Variants in ZNF131 observed in about 807,000 individuals in gnomAD.
ZNF131 encodes zinc finger and BTB domain containing 35.
A neutral mutation model predicts 60.0 loss-of-function variants in ZNF131; 7 were observed. The observed-to-expected ratio is 0.12, with a 90% CI of 0.07 to 0.22. The LOEUF (loss-of-function observed/expected upper bound fraction) is 0.22, where lower values mean the gene tolerates loss of function less well. ZNF131 is among the 10% of genes least tolerant of loss of function. The pLI, the probability that ZNF131 is intolerant of heterozygous loss-of-function variation, is 1.00. For synonymous variants in ZNF131, 257 were observed against 253.2 expected, an observed-to-expected ratio of 1.01 and a Z score of -0.14; for missense variants, 493 against 740.9, an observed-to-expected ratio of 0.67 and a Z score of 3.88.
chr5:43,159,200 G>C (rs1247468563), intron 4 of ZNF131, among the ~76,000 whole-genome samples: 1 of 152,020 alleles, frequency 6.6e-6, no homozygotes, highest in Non-Finnish European at 1.5e-5. Flanking sequence ...GTTTTTTCCA[G>C]AGTGGGGGCA....
At chr5:43,124,432 G>A (rs1245894190) in intron 3 of ZNF131, 1 of 151,970 alleles carries the variant, frequency 6.6e-6, no homozygotes, top group African/African-American at 2.4e-5. Context: ...TCCCTTTGAT[G>A]CCTAGGGGAG....
intron 3 of ZNF131, among the ~76,000 whole-genome samples, chr5:43,134,615 A>C (rs1361184038): frequency 6.6e-6 from 1 of 152,096 alleles, no homozygotes; most frequent in Non-Finnish European, 1.5e-5. Context: ...CAACACAAAA[A>C]ACTACTAGAA....
At chr5:43,147,902 A>G (rs185427895) in intron 4 of ZNF131, among the ~76,000 whole-genome samples, 1 of 151,756 alleles carries the variant, frequency 6.6e-6, no homozygotes, top group African/African-American at 2.4e-5. Flanking sequence ...AAAATACAAA[A>G]AAATATCTGG....
At chr5:43,147,458 C>G (rs1382031460) in intron 4 of ZNF131, among the ~76,000 whole-genome samples, 1 of 151,468 alleles carries the variant, frequency 6.6e-6, no homozygotes, top group Non-Finnish European at 1.5e-5. Flanking sequence ...CGCTCTGTCG[C>G]CCAGGCTAGA....
intron 4 of ZNF131, chr5:43,143,518 C>G: frequency 1.3e-6 from 1 of 762,770 alleles, no homozygotes; most frequent in Admixed American, 2.9e-5. Context: ...ATGAGCCAGA[C>G]ATCGTTTCTT....
chr5:43,173,260 T>G (rs1751220540), intron 5 of ZNF131, 58 bp from the exon 6 acceptor site: 11 of 1,439,294 alleles, frequency 7.6e-6, no homozygotes, highest in Non-Finnish European at 1.0e-5. Flanking sequence ...ACGTTTAAAA[T>G]TATTTGCTCT....
At chr5:43,123,354 C>A in intron 3 of ZNF131, 44 bp downstream of exon 3, 7 of 1,507,536 alleles carry the variant, frequency 4.6e-6, no homozygotes, top group Non-Finnish European at 6.3e-6. Flanking sequence ...ATCAAAGAAG[C>A]CATTTTATTT....
chr5:43,146,576 CAG>C (rs1747605026), intron 4 of ZNF131, among the ~76,000 whole-genome samples: 1 of 151,936 alleles, frequency 6.6e-6, no homozygotes. Context: ...GCCTGGGCGA[CAG>C]AGCGAGACTC....
At chr5:43,141,521 A>G (rs1746820122) in intron 4 of ZNF131, among the ~76,000 whole-genome samples, 5 of 152,116 alleles carry the variant, frequency 3.3e-5, no homozygotes. Flanking sequence ...TAATCCCAGC[A>G]CTTTGGGAGG....
intron 4 of ZNF131, among the ~76,000 whole-genome samples, chr5:43,149,366 G>C (rs1301914323): frequency 3.9e-5 from 6 of 152,248 alleles, no homozygotes; most frequent in Non-Finnish European, 8.8e-5. Flanking sequence ...ATATTAGTGT[G>C]TGTATAAGTA....
At chr5:43,121,945 G>C (rs1743897971) in intron 1 of ZNF131, 94 bp from the exon 2 acceptor site, 4 of 1,341,846 alleles carry the variant, frequency 3.0e-6, no homozygotes, top group Admixed American at 2.7e-5. Flanking sequence ...TTCTTTTCAC[G>C]TTGCTGGTTT....
intron 3 of ZNF131, among the ~76,000 whole-genome samples, chr5:43,137,596 G>C (rs1746287678): frequency 6.6e-6 from 1 of 151,452 alleles, no homozygotes; most frequent in East Asian, 1.9e-4. Flanking sequence ...AAGACAACTA[G>C]TATTGGTGAG....
At chr5:43,143,115 C>G (rs1250912963) in intron 4 of ZNF131, among the ~76,000 whole-genome samples, 1 of 151,518 alleles carries the variant, frequency 6.6e-6, no homozygotes, top group African/African-American at 2.4e-5. Context: ...CTCTGCTTCC[C>G]GGGTTCAAGC....
intron 3 of ZNF131, chr5:43,124,723 C>T (rs2112106957): frequency 6.6e-6 from 1 of 152,238 alleles, no homozygotes; most frequent in South Asian, 2.1e-4. Flanking sequence ...TACTTTTCTC[C>T]TCATCTGAAA....
At chr5:43,172,144 T>C (rs1248282281) in intron 5 of ZNF131, among the ~76,000 whole-genome samples, 1 of 152,260 alleles carries the variant, frequency 6.6e-6, no homozygotes. Context: ...CTGATCCAAT[T>C]ACATCACTGG....
At chr5:43,172,646 A>G (rs767937744) in intron 5 of ZNF131, among the ~76,000 whole-genome samples, 63 of 151,602 alleles carry the variant, frequency 4.2e-4, no homozygotes, top group Non-Finnish European at 7.5e-4. Context: ...TAATTTATAT[A>G]TAAATCACCC....
At chr5:43,129,566 G>A (rs1016269394) in intron 3 of ZNF131, among the ~76,000 whole-genome samples, 4 of 152,216 alleles carry the variant, frequency 2.6e-5, no homozygotes, top group Admixed American at 6.5e-5. Context: ...TAGCATGTTA[G>A]TATTCACTCT....
intron 4 of ZNF131, among the ~76,000 whole-genome samples, chr5:43,158,263 C>T (rs1041801597): frequency 6.6e-6 from 1 of 151,244 alleles, no homozygotes; most frequent in African/African-American, 2.4e-5. Context: ...CCACTGCACC[C>T]GATGTTGTTT....
At chr5:43,151,765 T>G (rs1199578359) in intron 4 of ZNF131, among the ~76,000 whole-genome samples, 1 of 151,800 alleles carries the variant, frequency 6.6e-6, no homozygotes, top group African/African-American at 2.4e-5. Flanking sequence ...GCAAGGAAAT[T>G]AGTACCTGGC....
Sources: gnomAD v4.1 joint callset for allele counts (sites outside exome capture counted in the v4.1 genomes callset) on GRCh38, gnomAD v4.1.1 for gene constraint, MANE v1.5 for transcripts, NCBI Gene and HGNC (gene_info 2026-07-23, HGNC 2026-07-21) for gene names.